The following CNTNAP4 variants were observed in gnomAD, a reference collection of about 807,000 sequenced individuals.
CNTNAP4 encodes the protein contactin-associated protein-like 4.
A neutral mutation model predicts 148.4 loss-of-function variants in CNTNAP4; 98 were observed. The ratio of observed to expected loss-of-function variants is 0.66; its 90% confidence interval spans 0.56 to 0.78. The LOEUF (loss-of-function observed/expected upper bound fraction) is 0.78. Among genes scored for constraint, CNTNAP4 ranks in the 30% least tolerant of loss-of-function variants. The pLI is 0.00. For synonymous variants in CNTNAP4, 730 were observed against 565.1 expected (o/e 1.29, Z -4.14); for missense variants, 1,935 against 1,565.6 (o/e 1.24, Z -3.98).
chr16:76,307,741 T>C (rs1431712512), intron 1 of CNTNAP4, among the ~76,000 whole-genome samples: 2 of 152,250 alleles, frequency 1.3e-5, no homozygotes, highest in East Asian at 3.9e-4. Flanking sequence ...ATTGGTCTCT[T>C]TGTCTTAATA....
chr16:76,467,084 T>C (rs1231046891), intron 9 of CNTNAP4, among the ~76,000 whole-genome samples: 1 of 152,174 alleles, frequency 6.6e-6, no homozygotes, highest in Non-Finnish European at 1.5e-5. Context: ...AGCCAATGTT[T>C]ATATTTTTCA....
intron 3 of CNTNAP4, among the ~76,000 whole-genome samples, chr16:76,416,685 T>A (rs2078996428): frequency 6.6e-6 from 1 of 151,464 alleles, no homozygotes; most frequent in Admixed American, 6.6e-5. Flanking sequence ...CCATGTGAGC[T>A]TAAGATGAGT....
chr16:76,413,891 T>C (rs779526128), intron 3 of CNTNAP4, among the ~76,000 whole-genome samples: 2 of 151,328 alleles, frequency 1.3e-5, no homozygotes, highest in Non-Finnish European at 1.5e-5. Context: ...CTGTTGCTTT[T>C]GTATAAATGT....
chr16:76,348,056 T>C (rs151015452), intron 2 of CNTNAP4, among the ~76,000 whole-genome samples: 59 of 152,174 alleles, frequency 3.9e-4, no homozygotes, highest in Admixed American at 2.9e-3. Flanking sequence ...GGTTGAATAA[T>C]ATGGCCTGAA....
Position 76,277,713 on chromosome 16 carries a change from T to A in CNTNAP4, c.51T>A (p.Thr17=). ...TCAAGACGCTACTTCTGTTATCTAC[T>A]CAAAATTGGAACAGAGTCGAAGCTG... ...AVLKTLLLLS[T]QNWNRVEAGN... is the part of the protein sequence containing the mutation. The change falls in exon 1 of 24, where the codon ACT becomes ACA. Residue 17 remains threonine, a synonymous_variant. Transcript: ENST00000611870. The A allele has an allele frequency of 6.2e-7, 1 of 1,605,452 alleles. No individual in the cohort carries two copies. Among genetic ancestry groups the A allele is most frequent in the Non-Finnish European group, 8.5e-7 (1 of 1,175,496 alleles).
At chr16:76,320,104 A>G (rs556991195) in intron 2 of CNTNAP4, among the ~76,000 whole-genome samples, 1 of 152,306 alleles carries the variant, frequency 6.6e-6, no homozygotes, top group East Asian at 1.9e-4. Flanking sequence ...TGTAAATACA[A>G]AGGTTTAAAG....
chr16:76,513,976 A>T (rs2144028819), intron 15 of CNTNAP4, among the ~76,000 whole-genome samples: 1 of 152,290 alleles, frequency 6.6e-6, no homozygotes, highest in Admixed American at 6.5e-5. Context: ...CTTCTCTGAT[A>T]AATAACTGGA....
intron 1 of CNTNAP4, among the ~76,000 whole-genome samples, chr16:76,315,163 G>A (rs1961574080): frequency 2.0e-5 from 3 of 152,026 alleles, no homozygotes; most frequent in Admixed American, 6.6e-5. Flanking sequence ...GTATCTGGTC[G>A]TTAATTTTTT....
chr16:76,537,318 G>T (rs1415928935), intron 18 of CNTNAP4, among the ~76,000 whole-genome samples: 1 of 152,152 alleles, frequency 6.6e-6, no homozygotes, highest in African/African-American at 2.4e-5. Context: ...GTATGATCCA[G>T]TAAGTATCAT....
At chr16:76,436,784 G>A (rs2079843850) in intron 4 of CNTNAP4, among the ~76,000 whole-genome samples, 1 of 152,022 alleles carries the variant, frequency 6.6e-6, no homozygotes, top group African/African-American at 2.4e-5. Flanking sequence ...AGGACTATCA[G>A]TGTTCTCCAT....
chr16:76,307,833 C>T (rs1487948676), intron 1 of CNTNAP4, among the ~76,000 whole-genome samples: 1 of 152,096 alleles, frequency 6.6e-6, no homozygotes, highest in African/African-American at 2.4e-5. Flanking sequence ...AACTGCCTTC[C>T]CATTAATCCA....
At position 76,487,506 on chromosome 16, in the gene CNTNAP4, A is replaced by G. The variant is rs1459090746; in HGVS notation, c.1883-2180A>G. 5.3e-5 allele frequency among the ~76,000 whole-genome samples: 8 copies of G among 152,334 alleles called. No homozygotes were observed. The East Asian group carries it at 1.2e-3, about 22-fold the overall frequency. On this transcript the variant is annotated intron_variant, in intron 12 of 23. Transcript: ENST00000611870. ...TGTTTGTAGAAACTTCGGATCACTC[A>G]ATCATGTCTGAAAGAACAGTAAAGA...
At chr16:76,383,553 G>A (rs755598668) in intron 3 of CNTNAP4, among the ~76,000 whole-genome samples, 4 of 151,934 alleles carry the variant, frequency 2.6e-5, no homozygotes, top group African/African-American at 7.3e-5. Context: ...AACAGCAATC[G>A]AATGCAACAC....
At chr16:76,404,500 C>T (rs1025736550) in intron 3 of CNTNAP4, among the ~76,000 whole-genome samples, 1 of 152,038 alleles carries the variant, frequency 6.6e-6, no homozygotes, top group African/African-American at 2.4e-5. Flanking sequence ...ACTGAACTTT[C>T]TTAATACAAC....
In CNTNAP4 at chr16:76,467,444, G is replaced by A. The variant is rs778791332; in HGVS notation, c.1576G>A (p.Val526Ile). 6.2e-7 allele frequency: 1 copy of A among 1,613,800 alleles called. No homozygotes were observed. The highest frequency in any genetic ancestry group is 8.5e-7 in the Non-Finnish European group (1 of 1,179,794). ...MRLISISGKV[V>I]DLISVQQGSL... ...GCTCATTTCTATCAGCGGCAAAGTG[G>A]TAGATCTGATTTCAGTTCAGCAGGG... The change falls in exon 10 of 24, where the codon GTA becomes ATA. Residue 526 changes from valine to isoleucine, a missense_variant. Physicochemically the swap from Val to Ile is conservative, Grantham distance 29. Coordinates refer to ENST00000611870, the MANE Select transcript of CNTNAP4 (RefSeq NM_033401.5).
At chr16:76,285,617 G>A (rs1958848223) in intron 1 of CNTNAP4, among the ~76,000 whole-genome samples, 1 of 151,716 alleles carries the variant, frequency 6.6e-6, no homozygotes, top group Admixed American at 6.6e-5. Context: ...TTATAAATGG[G>A]GTCATAGGTT....
chr16:76,302,342 G>T (rs2033245), intron 1 of CNTNAP4, among the ~76,000 whole-genome samples: 13,666 of 152,030 alleles, frequency 0.09, 1,156 homozygotes, highest in East Asian at 0.35. Context: ...CTAAGGCTTG[G>T]GATTCTCTCC....
rs1254809220 is a variant in CNTNAP4, at chr16:76,296,126, T to A, written c.85+18379T>A. On this transcript the variant is annotated intron_variant, in intron 1 of 23. Transcript: ENST00000611870. ...ATGTTTGAGGAATATGCCATGGTAA[T>A]GTATTGAGTAAAATCTTTCTGAAAT... is the stretch of plus-strand genomic sequence containing the variant. Among the ~76,000 whole-genome samples the A allele has an allele frequency of 2.6e-5, 4 of 152,366 alleles. No homozygotes were observed. In the East Asian group the frequency reaches 7.7e-4, roughly 29 times the overall value.
chr16:76,503,516 C>G (rs2082728352), intron 15 of CNTNAP4, among the ~76,000 whole-genome samples: 1 of 152,052 alleles, frequency 6.6e-6, no homozygotes, highest in Non-Finnish European at 1.5e-5. Context: ...GGTCAATATT[C>G]AAAAGTGAAT....
Sources: allele counts gnomAD v4.1 joint callset (sites outside exome capture counted in the v4.1 genomes callset), GRCh38; gene constraint gnomAD v4.1.1; transcripts MANE v1.5; gene names NCBI Gene and HGNC (gene_info 2026-07-23, HGNC 2026-07-21).